Variants in HAUS7 observed in about 807,000 individuals in gnomAD.
The protein encoded by HAUS7 is HAUS augmin-like complex subunit 7.
HAUS7 carries 3 observed loss-of-function variants against 28.4 expected under a neutral mutation model. That is an observed-to-expected ratio of 0.11 (90% CI 0.05 to 0.27). The LOEUF (loss-of-function observed/expected upper bound fraction) is 0.27. Among genes scored for constraint, HAUS7 ranks in the 10% least tolerant of loss-of-function variants. The pLI is 1.00. For missense variants in HAUS7, 284 were observed against 297.3 expected (o/e 0.96, Z 0.33); for synonymous variants, 165 against 132.1 (o/e 1.25, Z -1.71).
At position 153,463,411 on chromosome X, in the gene HAUS7, C is replaced by A. The variant is rs77509643; in HGVS notation, c.293-740G>T. On this transcript the variant is annotated intron_variant, in intron 3 of 9. Coordinates refer to ENST00000370211, the MANE Select transcript of HAUS7 (RefSeq NM_001385482.1). ...CACATCCTCAAGTCCTCCCTGACCC[C>A]TCTCTTCCTCTCAGCGAGTCCAGCC... 3.8e-4 allele frequency among the ~76,000 whole-genome samples: 42 copies of A among 111,886 alleles called. No homozygotes were observed. In the East Asian group the frequency reaches 6.2e-3, roughly 16 times the overall value.
intron 3 of HAUS7, among the ~76,000 whole-genome samples, chrX:153,464,513 C>T: frequency 8.9e-6 from 1 of 112,477 alleles, no homozygotes; most frequent in Non-Finnish European, 1.9e-5. Context: ...CTTTGACATT[C>T]CACCAACTTC....
rs1157339419 is a variant in HAUS7, at chrX:153,481,428, C to T, written c.-588-10283G>A. The stretch of plus-strand genomic sequence containing the variant: ...AGGACCGCAGCCGAGGCCAGGGTGG[C>T]GGCGGCAGCACCTCCAAGACCCCAG... On this transcript the variant is annotated intron_variant, in intron 1 of 5. Coordinates refer to the HAUS7 transcript ENST00000370210. 16 of 753,429 alleles carry T rather than the reference C, an allele frequency of 2.1e-5. No homozygotes were observed. In the East Asian group the frequency reaches 9.1e-4, roughly 43 times the overall value. 62.1% of individuals were successfully genotyped at this position (753,429 alleles called of 1,213,427 possible).
upstream of HAUS7, among the ~76,000 whole-genome samples, chrX:153,473,064 C>T (rs1437285307): frequency 8.9e-6 from 1 of 112,021 alleles, no homozygotes; most frequent in Non-Finnish European, 1.9e-5. Context: ...CATTCGAGAC[C>T]TCTCAGTTTG....
intron 1 of HAUS7, among the ~76,000 whole-genome samples, chrX:153,480,307 C>G (rs2089591032): frequency 9.0e-6 from 1 of 111,029 alleles, no homozygotes. Flanking sequence ...CCCCTTAGCC[C>G]TAATGGGCCT....
chrX:153,493,816 C>T (rs73637803), intron 1 of HAUS7, among the ~76,000 whole-genome samples: 3,297 of 111,835 alleles, frequency 0.029, 126 homozygotes, highest in African/African-American at 0.1. Context: ...CCCCACCCCC[C>T]GGTTGAGTGA....
chrX:153,472,783 C>G (rs1411157599), upstream of HAUS7, among the ~76,000 whole-genome samples: 2 of 108,791 alleles, frequency 1.8e-5, no homozygotes, highest in East Asian at 2.9e-4. Context: ...AAGGGACATT[C>G]CAACCCAGAG....
chrX:153,491,131 G>T (rs2089668876), intron 1 of HAUS7, among the ~76,000 whole-genome samples: 1 of 111,434 alleles, frequency 9.0e-6, no homozygotes, highest in South Asian at 3.9e-4. Flanking sequence ...GGGGAGCAGG[G>T]CAGAGGGAGC....
chrX:153,456,435 G>A (rs1381706089), intron 6 of HAUS7, 58 bp downstream of exon 6: 2 of 1,175,924 alleles, frequency 1.7e-6, no homozygotes, highest in Middle Eastern at 2.3e-4. Flanking sequence ...GAACCAAGCA[G>A]CCTGGGGCTG....
chrX:153,453,908 C>T (rs1283019017), intron 9 of HAUS7, among the ~76,000 whole-genome samples: 1 of 108,904 alleles, frequency 9.2e-6, no homozygotes, highest in Non-Finnish European at 1.9e-5. Context: ...CAACTTCCCT[C>T]TCATGGGCTC....
rs189332029 is a variant in HAUS7 at position 153,448,547 on chromosome X, A to T, written c.1046-638T>A. Among the ~76,000 whole-genome samples the T allele has an allele frequency of 3.8e-3, 413 of 109,918 alleles. 5 individuals carry two copies. The highest frequency in any genetic ancestry group is 0.013 in the African/African-American group (399 of 30,432). On this transcript the variant is annotated intron_variant, in intron 9 of 9. Transcript: ENST00000370211. ...ACCCTAGAACTTAAAGTATAATAAA[A>T]ATATATATATATAAAATAAATAAAT...
chrX:153,470,920 C>A (rs895457616), upstream of HAUS7: 1 of 344,757 alleles, frequency 2.9e-6, no homozygotes, highest in South Asian at 2.6e-5. Context: ...GAGTCGCAGG[C>A]CTTGCTGGCG....
upstream of HAUS7, among the ~76,000 whole-genome samples, chrX:153,471,650 G>A (rs2124155312): frequency 8.9e-6 from 1 of 112,656 alleles, no homozygotes; most frequent in East Asian, 2.8e-4. Context: ...CCTCCTCTGT[G>A]CCCTACCCTG....
chrX:153,484,305 G>A (rs781943386), intron 1 of HAUS7, among the ~76,000 whole-genome samples: 3 of 112,765 alleles, frequency 2.7e-5, no homozygotes, highest in Non-Finnish European at 5.6e-5. Context: ...ATAAGGCCAC[G>A]TTCACAGGTT....
chrX:153,481,602 T>C, intron 1 of HAUS7: 1 of 755,974 alleles, frequency 1.3e-6, no homozygotes, highest in African/African-American at 2.3e-5. Flanking sequence ...AGATGAAGCA[T>C]GTCCCTGCCC....
At position 153,454,511 on chromosome X, in the gene HAUS7, G is replaced by T; in HGVS notation, c.931-3C>A. ...ACTGCCATGACCACTTGCAGCAGCT[G>T]GGGAGGGAGGGAGGGAGGGAGGGAG... On this transcript the variant is annotated splice_polypyrimidine_tract_variant and splice_region_variant and intron_variant, in intron 8 of 9. Transcript: ENST00000370211. 1 of 575,324 alleles carries T rather than the reference G, an allele frequency of 1.7e-6. No homozygotes were observed. The highest frequency in any genetic ancestry group is 2.6e-6 in the Non-Finnish European group (1 of 383,559). The allele number at this position is 575,324 out of a possible 1,213,427, so 47.4% of individuals were successfully genotyped here.
In HAUS7 at chrX:153,492,070, C is replaced by A. The variant is rs781950557; in HGVS notation, c.-589+3304G>T. On this transcript the variant is annotated intron_variant, in intron 1 of 5. Coordinates refer to the HAUS7 transcript ENST00000370210. ...TGGGGAGCTAAGACAGCTGTGTGTC[C>A]GCCTCCTCCCCAGGATCCCTGAGGG... Among the ~76,000 whole-genome samples the A allele has an allele frequency of 3.6e-5, 4 of 112,395 alleles. No homozygotes were observed. The South Asian group carries it at 1.5e-3, about 41-fold the overall frequency.
upstream of HAUS7, among the ~76,000 whole-genome samples, chrX:153,475,065 G>GAGCT (rs2089554245): frequency 8.9e-6 from 1 of 112,622 alleles, no homozygotes; most frequent in Non-Finnish European, 1.9e-5. Flanking sequence ...GGCCGGGCCT[G>GAGCT]AGCTCCAGCT....
intron 2 of HAUS7, among the ~76,000 whole-genome samples, chrX:153,467,743 G>A (rs1164096932): frequency 8.9e-6 from 1 of 112,613 alleles, no homozygotes; most frequent in African/African-American, 3.2e-5. Flanking sequence ...AGAACCCCCC[G>A]ACTGCACGGC....
At position 153,458,555 on chromosome X, in the gene HAUS7, C is replaced by T. The variant is rs781859964; in HGVS notation, c.355-1327G>A. On this transcript the variant is annotated intron_variant, in intron 4 of 9. Coordinates refer to ENST00000370211, the MANE Select transcript of HAUS7 (RefSeq NM_001385482.1). ...CCATTAAGAATAACACTTCTATGGA[C>T]GCTCAGGTACAGGATTTTGTGTGCA... Among the ~76,000 whole-genome samples the T allele has an allele frequency of 6.1e-4, 69 of 112,498 alleles. 1 individual carries two copies. Among genetic ancestry groups the T allele is most frequent in the East Asian group, 5.6e-4 (2 of 3,577 alleles).
Sources: allele counts gnomAD v4.1 joint callset (sites outside exome capture counted in the v4.1 genomes callset), GRCh38; gene constraint gnomAD v4.1.1; transcripts MANE v1.5; gene names NCBI Gene and HGNC (gene_info 2026-07-23, HGNC 2026-07-21).